The following MFN1 variants were observed in gnomAD, a reference collection of about 807,000 sequenced individuals.
The protein encoded by MFN1 is mitofusin 1, also known as mitofusin-1.
In MFN1, 65 loss-of-function variants were observed where a neutral mutation model predicts 92.4. The ratio of observed to expected loss-of-function variants is 0.70; its 90% CI spans 0.58 to 0.86. MFN1 has a LOEUF of 0.86. Ranked by LOEUF, MFN1 falls within the 40% of genes least tolerant of loss-of-function variation. The pLI, the probability that MFN1 is intolerant of heterozygous loss-of-function variation, is 0.00. For synonymous variants in MFN1, 297 were observed against 300.9 expected (o/e 0.99, Z 0.13); for missense variants, 781 against 868.0 (o/e 0.90, Z 1.26).
intron 4 of MFN1, chr3:179,359,878 A>T: frequency 6.6e-6 from 1 of 152,162 alleles, no homozygotes; most frequent in East Asian, 1.9e-4. Context: ...AGAATTAACA[A>T]GTTTTTTAAA....
intron 15 of MFN1, 151 bp from the exon 16 acceptor site, chr3:179,386,282 T>C (rs1459063212): frequency 3.2e-6 from 2 of 621,230 alleles, no homozygotes; most frequent in South Asian, 2.2e-5. Flanking sequence ...GATTGATTTC[T>C]GGTAACTTCA....
intron 15 of MFN1, 142 bp from the exon 16 acceptor site, chr3:179,386,291 C>A: frequency 1.5e-6 from 1 of 646,104 alleles, no homozygotes; most frequent in East Asian, 2.8e-5. Context: ...CTGGTAACTT[C>A]AGGTTTTCTC....
Position 179,372,297 on chromosome 3 carries a change from T to G in MFN1, c.976-2923T>G, listed in dbSNP as rs185658613. On this transcript the variant is annotated intron_variant, in intron 9 of 17. Transcript: ENST00000471841. ...TGGCAGTGATGAGTAGCATGTTAGGTGTTTGTAGGGTCTGTTTTCAAGGGA... is the reference window on the plus strand; with the variant it reads ...TGGCAGTGATGAGTAGCATGTTAGGGGTTTGTAGGGTCTGTTTTCAAGGGA... 2.1e-3 allele frequency among the ~76,000 whole-genome samples: 311 copies of G among 151,084 alleles called. 2 individuals are homozygous for G. Among genetic ancestry groups the G allele is most frequent in the African/African-American group, 6.9e-3 (284 of 41,306 alleles).
chr3:179,370,807 A>G (rs1577009517), intron 9 of MFN1, among the ~76,000 whole-genome samples: 1 of 152,208 alleles, frequency 6.6e-6, no homozygotes, highest in African/African-American at 2.4e-5. Flanking sequence ...CTGCAGCTTT[A>G]GGCGTATCCC....
intron 12 of MFN1, 59 bp downstream of exon 12, chr3:179,377,507 AT>A: frequency 9.7e-7 from 1 of 1,028,422 alleles, no homozygotes. Context: ...CTATACCCTC[AT>A]TTATTTCATG....
At chr3:179,349,934 C>G (rs1712077643) in intron 2 of MFN1, among the ~76,000 whole-genome samples, 1 of 152,142 alleles carries the variant, frequency 6.6e-6, no homozygotes, top group East Asian at 1.9e-4. Flanking sequence ...GGCAGATTAC[C>G]TGAGGTTAGG....
At position 179,359,481 on chromosome 3, in the gene MFN1, C is replaced by T. The variant is rs1324330364; in HGVS notation, c.411+479C>T. ...TGTCACCCGGGCTAGAGTACAGTGG[C>T]GTGATCTTGGCTCGCTGCAACCTCT... On this transcript the variant is annotated intron_variant, in intron 4 of 17. Transcript: ENST00000471841. Among the ~76,000 whole-genome samples, 12 of 140,646 alleles carry T rather than the reference C, an allele frequency of 8.5e-5. No homozygotes were observed. The East Asian group carries it at 1.3e-3, about 16-fold the overall frequency. 92.3% of individuals were successfully genotyped at this position (140,646 alleles called of 152,430 possible). A position where few individuals can be genotyped will look rare whatever the true frequency, so the allele number is the denominator to read the frequency against.
At position 179,351,178 on chromosome 3, in the gene MFN1, A is replaced by G. The variant is rs910324871; in HGVS notation, c.113-722A>G. 2.0e-5 allele frequency among the ~76,000 whole-genome samples: 3 copies of G among 152,244 alleles called. No individual in the cohort carries two copies. The East Asian group carries it at 5.8e-4, about 29-fold the overall frequency. On this transcript the variant is annotated intron_variant, in intron 2 of 17. Coordinates refer to ENST00000471841, the MANE Select transcript of MFN1 (RefSeq NM_033540.3). The stretch of plus-strand genomic sequence containing the variant: ...TCAGGTTATCTCCTATTCCTGAGTT[A>G]TAAAAAAAACTGAAAGATTTTTCTA...
At chr3:179,349,509 C>A (rs1035903615) in intron 2 of MFN1, among the ~76,000 whole-genome samples, 1 of 141,800 alleles carries the variant, frequency 7.1e-6, no homozygotes, top group African/African-American at 2.7e-5. Flanking sequence ...CTAGGGAATA[C>A]TTCTTTTTTT....
intron 3 of MFN1, among the ~76,000 whole-genome samples, chr3:179,354,402 C>T (rs1712268926): frequency 6.6e-6 from 1 of 152,162 alleles, no homozygotes; most frequent in Admixed American, 6.5e-5. Context: ...AGGCGTTCTG[C>T]ATTCTTTTAT....
At chr3:179,386,340 C>A in intron 15 of MFN1, 93 bp from the exon 16 acceptor site, 1 of 978,026 alleles carries the variant, frequency 1.0e-6, no homozygotes, top group South Asian at 1.6e-5. Flanking sequence ...ATGTATCTAA[C>A]TCAAAGATCC....
At chr3:179,381,082 A>C (rs1176323400) in intron 14 of MFN1, among the ~76,000 whole-genome samples, 1 of 152,238 alleles carries the variant, frequency 6.6e-6, no homozygotes, top group Admixed American at 6.5e-5. Context: ...TTCTAAATCA[A>C]GGTGATTATG....
At chr3:179,380,043 A>G (rs943248782) in intron 14 of MFN1, among the ~76,000 whole-genome samples, 4 of 152,246 alleles carry the variant, frequency 2.6e-5, no homozygotes, top group Non-Finnish European at 5.9e-5. Context: ...ATAAACATCT[A>G]TTAAAATGAA....
chr3:179,354,060 T>C (rs1712256770), intron 3 of MFN1, among the ~76,000 whole-genome samples: 1 of 152,254 alleles, frequency 6.6e-6, no homozygotes, highest in African/African-American at 2.4e-5. Context: ...TTTGACCATA[T>C]TCTCAGGGCC....
Position 179,354,594 on chromosome 3 carries a change from C to T in MFN1, c.248+2559C>T, listed in dbSNP as rs548346666. Among the ~76,000 whole-genome samples, 33 of 152,110 alleles carry T rather than the reference C, an allele frequency of 2.2e-4. No homozygotes were observed. In the South Asian group the frequency reaches 6.9e-3, roughly 32 times the overall value. ...GCGCAAGAAGGAATTCCGGATGGGT[C>T]CATAAAGTGAAAGCAAGTTTATTAA... On this transcript the variant is annotated intron_variant, in intron 3 of 17. Coordinates refer to ENST00000471841, the MANE Select transcript of MFN1 (RefSeq NM_033540.3).
intron 3 of MFN1, among the ~76,000 whole-genome samples, chr3:179,355,354 A>G (rs1299086606): frequency 6.6e-6 from 1 of 152,118 alleles, no homozygotes; most frequent in Non-Finnish European, 1.5e-5. Context: ...AATGCAGCCC[A>G]GTAGGTCTCA....
chr3:179,363,453 G>T (rs537802545), intron 5 of MFN1, among the ~76,000 whole-genome samples: 2 of 151,906 alleles, frequency 1.3e-5, no homozygotes, highest in African/African-American at 4.8e-5. Flanking sequence ...GTAATACAAA[G>T]AATAAATGCT....
At chr3:179,374,012 ATATT>A (rs1440306133) in intron 9 of MFN1, among the ~76,000 whole-genome samples, 44 of 151,530 alleles carry the variant, frequency 2.9e-4, no homozygotes, top group Non-Finnish European at 4.7e-4. Context: ...TAGTAAATAT[ATATT>A]TATAGGATGG....
chr3:179,349,435 G>A (rs1040964940), intron 2 of MFN1, among the ~76,000 whole-genome samples: 8 of 152,002 alleles, frequency 5.3e-5, no homozygotes, highest in Admixed American at 1.3e-4. Context: ...AGGCTGAATT[G>A]CAGTGGAAAG....
Sources: gnomAD v4.1 joint callset for allele counts (sites outside exome capture counted in the v4.1 genomes callset) on GRCh38, gnomAD v4.1.1 for gene constraint, MANE v1.5 for transcripts, NCBI Gene and HGNC (gene_info 2026-07-23, HGNC 2026-07-21) for gene names.